The following GCFC2 variants were observed in gnomAD, a reference collection of about 807,000 sequenced individuals.
GCFC2 encodes the protein intron Large complex component GCFC2.
Under a neutral mutation model 99.4 loss-of-function variants are expected in GCFC2, and 102 were observed. The ratio of observed to expected loss-of-function variants is 1.03; its 90% CI spans 0.87 to 1.21. The LOEUF is 1.21. Ranked by LOEUF, GCFC2 falls within the 50% of genes most tolerant of loss-of-function variation. GCFC2 has a pLI of 0.00. For synonymous variants in GCFC2, 338 were observed against 316.8 expected (o/e 1.07, Z -0.71); for missense variants, 973 against 920.9 (o/e 1.06, Z -0.73).
At chr2:75,690,816 A>G in intron 7 of GCFC2, 97 bp from the exon 8 acceptor site, 2 of 663,296 alleles carry the variant, frequency 3.0e-6, no homozygotes, top group Non-Finnish European at 5.3e-6. Flanking sequence ...GTATAAACAT[A>G]TGCATATGTA....
chr2:75,683,209 C>A (rs776986812), intron 11 of GCFC2, among the ~76,000 whole-genome samples: 42 of 151,760 alleles, frequency 2.8e-4, no homozygotes, highest in Non-Finnish European at 5.9e-5. Context: ...GTTGGGTTAC[C>A]CACAAATGGA....
At position 75,701,247 on chromosome 2, in the gene GCFC2, A is replaced by C. The variant is rs1680575629; in HGVS notation, c.660T>G (p.Asp220Glu). The change falls in exon 4 of 17, where the codon GAT becomes GAG. Residue 220 changes from aspartate to glutamate, a missense_variant. Asp to Glu is a conservative substitution (Grantham distance 45). Coordinates refer to ENST00000321027, the MANE Select transcript of GCFC2 (RefSeq NM_003203.5). The part of the protein sequence containing the change: ...NEETSEESQE[D>E]EKQDTWEQQQ... ...GTTGTTCCCAAGTATCTTGCTTTTC[A>C]TCTTCCTGACTTTCTTCACTTGTTT... is the stretch of plus-strand genomic sequence containing the variant. 1 of 1,609,286 alleles carries C rather than the reference A, an allele frequency of 6.2e-7. No individual in the cohort carries two copies. Among genetic ancestry groups the C allele is most frequent in the Non-Finnish European group, 8.5e-7 (1 of 1,175,804 alleles).
intron 15 of GCFC2, among the ~76,000 whole-genome samples, chr2:75,666,944 C>T (rs1219773500): frequency 6.6e-6 from 1 of 152,036 alleles, no homozygotes; most frequent in Non-Finnish European, 1.5e-5. Flanking sequence ...TTTAAAGCTC[C>T]GTGCTACGTG....
intron 2 of GCFC2, among the ~76,000 whole-genome samples, chr2:75,703,590 T>C (rs1160331767): frequency 6.6e-6 from 1 of 152,178 alleles, no homozygotes; most frequent in East Asian, 1.9e-4. Flanking sequence ...TTAGTAATTA[T>C]TTATAGACTA....
chr2:75,688,111 A>G (rs560999220), intron 10 of GCFC2, 134 bp from the exon 11 acceptor site: 5 of 598,280 alleles, frequency 8.4e-6, no homozygotes, highest in East Asian at 5.8e-5. Flanking sequence ...TTTTAACACT[A>G]GACCACCAAG....
At position 75,663,039 on chromosome 2, in the gene GCFC2, GCTAA is replaced by G. The variant is rs1421900019; in HGVS notation, c.*1623_*1626del. ...CTGGGGACAGCGGTTGTGTGGAAAT[GCTAA>G]CTGCTTTTCAACAATAGTTTGCATT... On this transcript the variant is annotated 3_prime_UTR_variant, in exon 17 of 17. Coordinates refer to ENST00000321027, the MANE Select transcript of GCFC2 (RefSeq NM_003203.5). 6.6e-6 allele frequency: 1 copy of G among 152,108 alleles called. No homozygotes were observed. Among genetic ancestry groups the G allele is most frequent in the East Asian group, 1.9e-4 (1 of 5,200 alleles). 9.4% of individuals were successfully genotyped at this position (152,108 alleles called of 1,614,324 possible). A position where few individuals can be genotyped will look rare whatever the true frequency, so the allele number is the denominator to read the frequency against.
intron 4 of GCFC2, among the ~76,000 whole-genome samples, chr2:75,700,203 T>C (rs1680521655): frequency 6.6e-6 from 1 of 152,208 alleles, no homozygotes; most frequent in South Asian, 2.1e-4. Context: ...CCCACCTTAC[T>C]GTATTGTACC....
intron 1 of GCFC2, 26 bp downstream of exon 1, chr2:75,710,565 C>A: frequency 6.8e-7 from 1 of 1,479,006 alleles, no homozygotes. Context: ...CGTCACCTCC[C>A]CGCTTCCCCG....
At chr2:75,684,097 A>G (rs1219138361) in intron 11 of GCFC2, among the ~76,000 whole-genome samples, 1 of 152,230 alleles carries the variant, frequency 6.6e-6, no homozygotes, top group African/African-American at 2.4e-5. Flanking sequence ...AAAGATATCC[A>G]GGAATTGAAC....
intron 2 of GCFC2, among the ~76,000 whole-genome samples, chr2:75,704,282 G>C (rs531585132): frequency 2.1e-4 from 32 of 152,172 alleles, no homozygotes; most frequent in Non-Finnish European, 4.7e-4. Flanking sequence ...AGTAATCTCT[G>C]CTAGAGGGAC....
rs760111015 is a variant in GCFC2, at chr2:75,702,353, G to A, written c.465C>T (p.Asp155=). Reference sequence around the variant, plus strand: ...TATGTTGTACATCCAAAGAAATATAGTCATCTTGGGCCCTGGCCAATTCAC... The same window carrying A: ...TATGTTGTACATCCAAAGAAATATAATCATCTTGGGCCCTGGCCAATTCAC... ...RKRELARAQD[D]YISLDVQHTS... Residue 155 remains aspartate (D), a synonymous_variant, in exon 3 of 17, where the codon GAC becomes GAT. Coordinates refer to ENST00000321027, the MANE Select transcript of GCFC2 (RefSeq NM_003203.5). The A allele has an allele frequency of 8.7e-6, 14 of 1,611,632 alleles. No homozygotes were observed. The South Asian group carries it at 1.1e-4, about 13-fold the overall frequency.
At position 75,706,568 on chromosome 2, in the gene GCFC2, A is replaced by C. The variant is rs1486416862; in HGVS notation, c.349T>G (p.Ser117Ala). 1.2e-6 allele frequency: 2 copies of C among 1,603,764 alleles called. No homozygotes were observed. Among genetic ancestry groups the C allele is most frequent in the Non-Finnish European group, 1.7e-6 (2 of 1,170,928 alleles). The change falls in exon 2 of 17, where the codon TCT (serine) becomes GCT (alanine). Residue 117 changes from serine to alanine, a missense_variant. Ser to Ala is a moderately conservative substitution (Grantham distance 99). Transcript: ENST00000321027. ...SESKDDQGLS[S>A]DSSSSLGEKE... is the part of the protein sequence containing the mutation. ...TCTCCAAGAGAGCTAGAACTGTCAG[A>C]AGACAAACCCTGATCATCCTTACTT...
intron 13 of GCFC2, among the ~76,000 whole-genome samples, chr2:75,673,126 T>G (rs566442141): frequency 2.6e-5 from 4 of 151,742 alleles, no homozygotes; most frequent in Admixed American, 6.6e-5. Flanking sequence ...CTGGCTAACA[T>G]GGTGAAACCC....
chr2:75,686,665 C>A (rs1679829482), intron 11 of GCFC2, among the ~76,000 whole-genome samples: 1 of 152,046 alleles, frequency 6.6e-6, no homozygotes, highest in Non-Finnish European at 1.5e-5. Flanking sequence ...GATCACTTGA[C>A]CCCAGGAATT....
At chr2:75,706,123 G>A (rs1034723149) in intron 2 of GCFC2, among the ~76,000 whole-genome samples, 3 of 151,998 alleles carry the variant, frequency 2.0e-5, no homozygotes, top group African/African-American at 7.3e-5. Flanking sequence ...CCTTAAACTC[G>A]CAACCAAATA....
Position 75,688,219 on chromosome 2 carries a change from A to C in GCFC2, c.1540-242T>G, listed in dbSNP as rs565257873. Among the ~76,000 whole-genome samples the C allele has an allele frequency of 3.3e-5, 5 of 152,328 alleles. No individual in the cohort carries two copies. In the South Asian group the frequency reaches 6.2e-4, roughly 19 times the overall value. Reference sequence around the variant, plus strand: ...GCATTCAATCACACAACAAACACTCAACAACTACCTAGTGTGTGCCGGAGC... The same window carrying C: ...GCATTCAATCACACAACAAACACTCCACAACTACCTAGTGTGTGCCGGAGC... On this transcript the variant is annotated intron_variant, in intron 10 of 16. Transcript: ENST00000321027.
At chr2:75,691,641 C>T (rs573376802) in intron 7 of GCFC2, among the ~76,000 whole-genome samples, 2 of 152,116 alleles carry the variant, frequency 1.3e-5, no homozygotes, top group East Asian at 3.9e-4. Context: ...CTCACCAGAA[C>T]CAATCTGTAA....
intron 11 of GCFC2, among the ~76,000 whole-genome samples, chr2:75,686,813 A>G (rs1295711799): frequency 6.6e-6 from 1 of 152,236 alleles, no homozygotes; most frequent in Non-Finnish European, 1.5e-5. Context: ...TCTCAGTGAC[A>G]TAGTGAAACG....
intron 2 of GCFC2, among the ~76,000 whole-genome samples, chr2:75,705,416 G>T (rs1363059942): frequency 6.6e-6 from 1 of 151,932 alleles, no homozygotes. Context: ...GAGGTCAGGA[G>T]ATCGAGACCA....
Sources: allele counts gnomAD v4.1 joint callset (sites outside exome capture counted in the v4.1 genomes callset), GRCh38; gene constraint gnomAD v4.1.1; transcripts MANE v1.5; gene names NCBI Gene and HGNC (gene_info 2026-07-23, HGNC 2026-07-21).